PIK3CA: variants seen among roughly 807,000 people sequenced by gnomAD.
The protein encoded by PIK3CA is phosphatidylinositol-4,5-bisphosphate 3-kinase catalytic subunit alpha, also known as phosphatidylinositol 4,5-bisphosphate 3-kinase catalytic subunit alpha isoform.
PIK3CA carries 27 observed loss-of-function variants against 138.2 expected under a neutral mutation model. That is an observed-to-expected ratio of 0.20 (90% CI 0.14 to 0.27). PIK3CA has a LOEUF of 0.27. PIK3CA is among the 10% of genes least tolerant of loss of function. PIK3CA has a pLI of 1.00. For missense variants in PIK3CA, 544 were observed against 1,277.4 expected, an observed-to-expected ratio of 0.43 and a Z score of 8.75; for synonymous variants, 358 against 413.2, an observed-to-expected ratio of 0.87 and a Z score of 1.62.
chr3:179,160,708 T>C (rs1159706097), intron 1 of PIK3CA, among the ~76,000 whole-genome samples: 2 of 152,256 alleles, frequency 1.3e-5, no homozygotes, highest in African/African-American at 4.8e-5. Context: ...GATTGCTATA[T>C]GTGCATTATA....
chr3:179,192,662 T>C (rs1191251581), intron 1 of PIK3CA, among the ~76,000 whole-genome samples: 1 of 152,234 alleles, frequency 6.6e-6, no homozygotes, highest in African/African-American at 2.4e-5. Flanking sequence ...ATATGGTCTC[T>C]ATAGCATCTG....
chr3:179,197,461 T>C (rs946963549), intron 1 of PIK3CA, among the ~76,000 whole-genome samples: 5 of 152,240 alleles, frequency 3.3e-5, no homozygotes, highest in African/African-American at 1.2e-4. Context: ...TTATTCTGTT[T>C]TGTAAGTGTG....
intron 9 of PIK3CA, among the ~76,000 whole-genome samples, chr3:179,211,050 A>G (rs1255449985): frequency 2.0e-5 from 3 of 152,240 alleles, no homozygotes; most frequent in Non-Finnish European, 4.4e-5. Flanking sequence ...GATAAACTAC[A>G]TTGTCCAGAA....
At chr3:179,157,642 T>TA (rs1319715166) in intron 1 of PIK3CA, among the ~76,000 whole-genome samples, 4 of 152,226 alleles carry the variant, frequency 2.6e-5, no homozygotes, top group Non-Finnish European at 2.9e-5. Context: ...TAATTTTTTT[T>TA]ACCAATCAAA....
chr3:179,202,596 T>C (rs1322847230), intron 4 of PIK3CA, among the ~76,000 whole-genome samples: 3 of 152,236 alleles, frequency 2.0e-5, no homozygotes, highest in Non-Finnish European at 2.9e-5. Flanking sequence ...TTCAGGTTGC[T>C]TATTTTCTAG....
intron 1 of PIK3CA, among the ~76,000 whole-genome samples, chr3:179,193,045 CGTT>C (rs1441643724): frequency 6.6e-6 from 1 of 152,184 alleles, no homozygotes; most frequent in African/African-American, 2.4e-5. Flanking sequence ...TGCTACTTAA[CGTT>C]GTTCTTAAAG....
At position 179,219,708 on chromosome 3, in the gene PIK3CA, T is replaced by C. The variant is rs1724922628; in HGVS notation, c.1884T>C (p.Leu628=). The change falls in exon 12 of 21, where the codon CTT becomes CTC. Residue 628 remains leucine, a synonymous_variant. Transcript: ENST00000263967. The surrounding 1 kb of genome is among the most constrained non-coding windows in gnomAD (Gnocchi z 4.2). ...CLEKYLTDDK[L]SQYLIQLVQV... is the part of the protein sequence containing the mutation. ...AAAAATATTTAACAGATGACAAACT[T>C]TCTCAGTATTTAATTCAGCTAGTAC... 6.2e-7 allele frequency: 1 copy of C among 1,606,874 alleles called. No individual in the cohort carries two copies. Among genetic ancestry groups the C allele is most frequent in the Non-Finnish European group, 8.5e-7 (1 of 1,174,370 alleles).
rs1307338981 is a variant in PIK3CA at position 179,199,113 on chromosome 3, A to G, written c.288A>G (p.Gln96=). The stretch of plus-strand genomic sequence containing the variant: ...GACTTTGTGACCTTCGGCTTTTTCA[A>G]CCCTTTTTAAAAGTAATTGAACCAG... ...TRRLCDLRLF[Q]PFLKVIEPVG... Residue 96 remains glutamine (Q), a synonymous_variant, in exon 2 of 21, where the codon CAA becomes CAG. Coordinates refer to ENST00000263967, the MANE Select transcript of PIK3CA (RefSeq NM_006218.4). 3 of 1,607,888 alleles carry G rather than the reference A, an allele frequency of 1.9e-6. No individual in the cohort carries two copies. The highest frequency in any genetic ancestry group is 1.1e-5 in the South Asian group (1 of 89,582).
At chr3:179,161,705 A>T (rs1723285610) in intron 1 of PIK3CA, among the ~76,000 whole-genome samples, 1 of 152,166 alleles carries the variant, frequency 6.6e-6, no homozygotes, top group South Asian at 2.1e-4. Flanking sequence ...TCAAAAAGTG[A>T]TAATAATAAA....
chr3:179,180,717 C>T (rs1165368369), intron 1 of PIK3CA, among the ~76,000 whole-genome samples: 1 of 151,940 alleles, frequency 6.6e-6, no homozygotes, highest in African/African-American at 2.4e-5. Context: ...GTAAGAGGTA[C>T]CAACAAATGA....
chr3:179,229,307 G>C lies in PIK3CA; in HGVS notation c.2531G>C (p.Cys844Ser), dbSNP rs2108422542. Residue 844 changes from cysteine (C) to serine (S), a missense_variant, in exon 18 of 21, where the codon TGT becomes TCT. Cys to Ser is a moderately radical substitution (Grantham distance 112). Coordinates refer to ENST00000263967, the MANE Select transcript of PIK3CA (RefSeq NM_006218.4). Reference sequence around the variant, plus strand: ...TATGGTTGTCTGTCAATCGGTGACTGTGTGGGACTTATTGAGGTGGTGCGA... The same window carrying C: ...TATGGTTGTCTGTCAATCGGTGACTCTGTGGGACTTATTGAGGTGGTGCGA... ...LPYGCLSIGD[C>S]VGLIEVVRNS... 1 of 1,613,094 alleles carries C rather than the reference G, an allele frequency of 6.2e-7. No individual in the cohort carries two copies. The highest frequency in any genetic ancestry group is 1.1e-5 in the South Asian group (1 of 91,028).
intron 17 of PIK3CA, among the ~76,000 whole-genome samples, chr3:179,227,877 A>AC (rs1209624337): frequency 1.3e-5 from 2 of 152,064 alleles, no homozygotes; most frequent in East Asian, 3.8e-4. Context: ...AATGAGAGGT[A>AC]CCCTAAAAAG....
At chr3:179,226,140 A>G in intron 17 of PIK3CA, 100 bp downstream of exon 17, 1 of 638,516 alleles carries the variant, frequency 1.6e-6, no homozygotes, top group Non-Finnish European at 2.9e-6. Flanking sequence ...CTAAAAAGAA[A>G]TGTATGCAGT....
In PIK3CA at chr3:179,239,784, T is replaced by G; in HGVS notation, c.*5420T>G. The G allele has an allele frequency of 2.4e-6, 1 of 419,998 alleles. No individual in the cohort carries two copies. 26.0% of individuals were successfully genotyped at this position (419,998 alleles called of 1,614,324 possible). On this transcript the variant is annotated 3_prime_UTR_variant, in exon 21 of 21. Coordinates refer to ENST00000263967, the MANE Select transcript of PIK3CA (RefSeq NM_006218.4). ...GTAGCAAGTTTATTTCTCTATATTT[T>G]GTCATTCAGTGAATTGAAGTCCTGT... is the stretch of plus-strand genomic sequence containing the variant.
chr3:179,178,824 A>C (rs2108368755), intron 1 of PIK3CA, among the ~76,000 whole-genome samples: 1 of 152,328 alleles, frequency 6.6e-6, no homozygotes, highest in East Asian at 1.9e-4. Flanking sequence ...CTCACAAGAC[A>C]CACTTAATTC....
chr3:179,161,009 T>C (rs954070995), intron 1 of PIK3CA, among the ~76,000 whole-genome samples: 5 of 152,196 alleles, frequency 3.3e-5, no homozygotes, highest in Admixed American at 2.6e-4. Flanking sequence ...ACGTGCTGTT[T>C]CATTGCATCA....
At chr3:179,156,851 C>G (rs1723151026) in intron 1 of PIK3CA, among the ~76,000 whole-genome samples, 1 of 152,058 alleles carries the variant, frequency 6.6e-6, no homozygotes, top group Non-Finnish European at 1.5e-5. Context: ...TATGGCAGGT[C>G]TAGACCTGAA....
rs1237861151 is a variant in PIK3CA at position 179,204,597 on chromosome 3, G to T, written c.1145+9G>T. The T allele has an allele frequency of 7.6e-7, 1 of 1,317,346 alleles. No individual in the cohort carries two copies. Among genetic ancestry groups the T allele is most frequent in the African/African-American group, 1.4e-5 (1 of 69,466 alleles). The allele number at this position is 1,317,346 out of a possible 1,614,324, so 81.6% of individuals were successfully genotyped here. ...CCTTGTTCCAATCCCAGGTAAGGAA[G>T]TATATAGATTTATATTTCCAAAGGT... On this transcript the variant is annotated intron_variant, in intron 6 of 20. Coordinates refer to ENST00000263967, the MANE Select transcript of PIK3CA (RefSeq NM_006218.4).
chr3:179,217,127 T>A (rs1376604933), intron 9 of PIK3CA, among the ~76,000 whole-genome samples: 1 of 152,120 alleles, frequency 6.6e-6, no homozygotes, highest in Non-Finnish European at 1.5e-5. Flanking sequence ...ACCAAACTAG[T>A]TATTTCCGGG....
Sources: allele counts gnomAD v4.1 joint callset (sites outside exome capture counted in the v4.1 genomes callset), GRCh38; gene constraint gnomAD v4.1.1; non-coding constraint Gnocchi (gnomAD v3.1); transcripts MANE v1.5; gene names NCBI Gene and HGNC (gene_info 2026-07-23, HGNC 2026-07-21).